The following ZFAT variants were observed in gnomAD, a reference collection of about 807,000 sequenced individuals.
ZFAT encodes the protein zinc finger protein ZFAT.
ZFAT carries 64 observed loss-of-function variants against 117.7 expected under a neutral mutation model. The ratio of observed to expected loss-of-function variants is 0.54; its 90% CI spans 0.44 to 0.67. The LOEUF (loss-of-function observed/expected upper bound fraction) is 0.67. ZFAT is among the 30% of genes least tolerant of loss of function. The pLI, the probability that ZFAT is intolerant of heterozygous loss-of-function variation, is 0.00. For synonymous variants in ZFAT, 679 were observed against 615.0 expected, an observed-to-expected ratio of 1.10 and a Z score of -1.54; for missense variants, 1,433 against 1,584.5, an observed-to-expected ratio of 0.90 and a Z score of 1.62.
intron 2 of ZFAT, among the ~76,000 whole-genome samples, chr8:134,641,442 C>T (rs759809872): frequency 1.4e-4 from 21 of 152,180 alleles, no homozygotes; most frequent in African/African-American, 1.9e-4. Flanking sequence ...CTAACATGTC[C>T]GGTCCAGTTA....
At chr8:134,696,661 C>T (rs371504524) in intron 1 of ZFAT, 19 of 963,536 alleles carry the variant, frequency 2.0e-5, no homozygotes, top group South Asian at 9.6e-5. Context: ...GGCATCCTGC[C>T]GCCACAGAGG....
chr8:134,787,591 T>G, the ZFAT span, among the ~76,000 whole-genome samples: 3 of 152,238 alleles, frequency 2.0e-5, no homozygotes, highest in Non-Finnish European at 4.4e-5. Context: ...AACTACACTT[T>G]TATAATCACA....
In ZFAT at chr8:134,602,429, C is replaced by A; in HGVS notation, c.1290G>T (p.Trp430Cys). The change falls in exon 6 of 16, where the codon TGG becomes TGT. Residue 430 changes from tryptophan to cysteine, a missense_variant. Coordinates refer to ENST00000377838, the MANE Select transcript of ZFAT (RefSeq NM_020863.4). ...DRHMLVHGDKWPFACELCGHG... is the reference protein window; with the variant it reads ...DRHMLVHGDKCPFACELCGHG... ...GGCCACAGAGCTCACAGGCAAAAGGCCACTTGTCTCCGTGGACCAGCATAT... is the reference window on the plus strand; with the variant it reads ...GGCCACAGAGCTCACAGGCAAAAGGACACTTGTCTCCGTGGACCAGCATAT... 6.2e-7 allele frequency: 1 copy of A among 1,613,952 alleles called. No homozygotes were observed. The highest frequency in any genetic ancestry group is 8.5e-7 in the Non-Finnish European group (1 of 1,180,010).
intron 2 of ZFAT, among the ~76,000 whole-genome samples, chr8:134,639,063 ACCAG>A (rs1427776966): frequency 6.6e-6 from 1 of 152,032 alleles, no homozygotes; most frequent in East Asian, 1.9e-4. Flanking sequence ...ACAGTAGGAC[ACCAG>A]CCACTTTATC....
intron 5 of ZFAT, among the ~76,000 whole-genome samples, chr8:134,608,242 G>A (rs934158825): frequency 7.9e-5 from 12 of 152,140 alleles, no homozygotes; most frequent in Admixed American, 6.5e-4. Flanking sequence ...AAAACTTGTA[G>A]AAGCACATGA....
At chr8:134,696,608 C>T (rs568027224) in intron 1 of ZFAT, 28 of 986,242 alleles carry the variant, frequency 2.8e-5, no homozygotes, top group East Asian at 1.1e-4. Context: ...CACCCACCCG[C>T]GCTTCTCTCC....
the ZFAT span, among the ~76,000 whole-genome samples, chr8:134,829,948 T>C: frequency 6.6e-5 from 10 of 152,232 alleles, no homozygotes; most frequent in African/African-American, 2.2e-4. Context: ...AATTATTTTA[T>C]TTTTGGCCAT....
At chr8:134,655,077 C>T (rs946520367) in intron 2 of ZFAT, among the ~76,000 whole-genome samples, 2 of 152,152 alleles carry the variant, frequency 1.3e-5, no homozygotes. Context: ...GCAGGGGTGG[C>T]CTTTGCATTC....
At chr8:134,525,302 C>T (rs1359314752) in intron 12 of ZFAT, among the ~76,000 whole-genome samples, 1 of 152,132 alleles carries the variant, frequency 6.6e-6, no homozygotes, top group African/African-American at 2.4e-5. Flanking sequence ...CAGTGATGTC[C>T]CAAAGTATCC....
At chr8:134,737,525 A>G in the ZFAT span, among the ~76,000 whole-genome samples, 1 of 152,190 alleles carries the variant, frequency 6.6e-6, no homozygotes, top group Non-Finnish European at 1.5e-5. Context: ...GGGATACAAA[A>G]AGTGGGGAAG....
chr8:134,770,297 C>T, the ZFAT span, among the ~76,000 whole-genome samples: 1 of 152,184 alleles, frequency 6.6e-6, no homozygotes, highest in Non-Finnish European at 1.5e-5. Context: ...AATGGAGGGA[C>T]CGGCTGAAGC....
intron 2 of ZFAT, among the ~76,000 whole-genome samples, chr8:134,647,233 T>C (rs1035877444): frequency 4.6e-5 from 7 of 152,116 alleles, no homozygotes; most frequent in Non-Finnish European, 1.0e-4. Context: ...TATAAATAAA[T>C]GTGATATATA....
chr8:134,676,118 C>G (rs1832784080), intron 1 of ZFAT, among the ~76,000 whole-genome samples: 1 of 152,024 alleles, frequency 6.6e-6, no homozygotes, highest in Non-Finnish European at 1.5e-5. Flanking sequence ...TATAAATGGT[C>G]TAAATGCCCC....
chr8:134,781,812 A>T, the ZFAT span, among the ~76,000 whole-genome samples: 3,609 of 152,262 alleles, frequency 0.024, 62 homozygotes, highest in Non-Finnish European at 0.034. Flanking sequence ...GACCTTTATG[A>T]TGATCCACTT....
chr8:134,548,229 G>T (rs557595095), intron 11 of ZFAT, among the ~76,000 whole-genome samples: 1 of 152,326 alleles, frequency 6.6e-6, no homozygotes, highest in South Asian at 2.1e-4. Context: ...AGAGCCTCAA[G>T]AATTTACATT....
the ZFAT span, among the ~76,000 whole-genome samples, chr8:134,827,766 T>TA: frequency 0.16 from 18,097 of 114,564 alleles, 1,460 homozygotes; most frequent in East Asian, 0.44. Context: ...AGACTCTGTC[T>TA]AAAAAAAAAA....
Position 134,608,788 on chromosome 8 carries a change from T to C in ZFAT, c.726A>G (p.Arg242=). 1 of 1,611,140 alleles carries C rather than the reference T, an allele frequency of 6.2e-7. No homozygotes were observed. Among genetic ancestry groups the C allele is most frequent in the Non-Finnish European group, 8.5e-7 (1 of 1,179,008 alleles). ...GCTGAATGGCGTATTCCTGGTAGCC[T>C]CTCCGAGGCACCAGGTCTGCTGAAG... The part of the protein sequence containing the change: ...ETTSADLVPR[R]GYQEYAIQQT... The change falls in exon 5 of 16, where the codon AGA becomes AGG. Residue 242 remains arginine (R), a synonymous_variant. Transcript: ENST00000377838.
At chr8:134,651,220 AACT>A (rs1305970023) in intron 2 of ZFAT, among the ~76,000 whole-genome samples, 31 of 152,404 alleles carry the variant, frequency 2.0e-4, no homozygotes, top group African/African-American at 7.0e-4. Flanking sequence ...TTCATGTGAA[AACT>A]TGTAAACAAA....
chr8:134,658,102 CCGA>C (rs1831721844), intron 1 of ZFAT, among the ~76,000 whole-genome samples: 1 of 152,184 alleles, frequency 6.6e-6, no homozygotes, highest in Non-Finnish European at 1.5e-5. Flanking sequence ...CTTTGGGAGG[CCGA>C]GGCGGGCGGA....
Sources: allele counts gnomAD v4.1 joint callset (sites outside exome capture counted in the v4.1 genomes callset), GRCh38; gene constraint gnomAD v4.1.1; transcripts MANE v1.5; gene names NCBI Gene and HGNC (gene_info 2026-07-23, HGNC 2026-07-21).